The following COL9A2 variants were observed in gnomAD, a reference collection of about 807,000 sequenced individuals.
COL9A2 encodes the protein collagen type IX alpha 2 chain.
A neutral mutation model predicts 111.6 loss-of-function variants in COL9A2; 66 were observed. The observed-to-expected ratio is 0.59, with a 90% CI of 0.48 to 0.73. The LOEUF (loss-of-function observed/expected upper bound fraction) is 0.73. Ranked by LOEUF, COL9A2 falls within the 30% of genes least tolerant of loss-of-function variation. The pLI is 0.00. For missense variants in COL9A2, 881 were observed against 954.1 expected (o/e 0.92, Z 1.01); for synonymous variants, 353 against 364.1 (o/e 0.97, Z 0.35).
In COL9A2 at chr1:40,304,397, G is replaced by T. The variant is rs1557794346; in HGVS notation, c.1216-6C>A. The stretch of plus-strand genomic sequence containing the variant: ...CCCTGCTCCCCCTTAGGGCCCTGAG[G>T]AGAAAAGAAACCAAAGGAATAAATG... On this transcript the variant is annotated splice_region_variant and splice_polypyrimidine_tract_variant and intron_variant, in intron 23 of 31. Coordinates refer to ENST00000372748, the MANE Select transcript of COL9A2 (RefSeq NM_001852.4). 1.2e-6 allele frequency: 2 copies of T among 1,605,012 alleles called. No individual in the cohort carries two copies. Among genetic ancestry groups the T allele is most frequent in the Non-Finnish European group, 1.7e-6 (2 of 1,175,768 alleles).
chr1:40,303,495 AG>A lies in COL9A2; in HGVS notation c.1548+34del. On this transcript the variant is annotated intron_variant, in intron 28 of 31. Transcript: ENST00000372748. The surrounding 1 kb of genome is among the most constrained non-coding windows in gnomAD (Gnocchi z 4.6). ...GCCGCACCCCAGAACAGATCTACCT[AG>A]AAGAAGCACCTCCTACCCCGGGGCC... 6.2e-7 allele frequency: 1 copy of A among 1,612,306 alleles called. No individual in the cohort carries two copies. The highest frequency in any genetic ancestry group is 8.5e-7 in the Non-Finnish European group (1 of 1,179,694).
rs1477844968 is a variant in COL9A2, at chr1:40,317,217, G to A, written c.-20C>T. 4 of 1,559,174 alleles carry A rather than the reference G, an allele frequency of 2.6e-6. No homozygotes were observed. The highest frequency in any genetic ancestry group is 4.8e-5 in the East Asian group (2 of 41,364). The stretch of plus-strand genomic sequence containing the variant: ...GGCCATGGCTGGCGGCGAGACCAAG[G>A]GGGACGGGTGCGTGTCCGCGCACGC... On this transcript the variant is annotated 5_prime_UTR_variant, in exon 1 of 32. Coordinates refer to ENST00000372748, the MANE Select transcript of COL9A2 (RefSeq NM_001852.4). This position sits in a 1 kb window ranked among gnomAD's most constrained non-coding sequence, Gnocchi z 4.3.
chr1:40,314,205 A>G lies in COL9A2; in HGVS notation c.249T>C (p.Asp83=). 1 of 1,614,178 alleles carries G rather than the reference A, an allele frequency of 6.2e-7. No individual in the cohort carries two copies. Among genetic ancestry groups the G allele is most frequent in the Non-Finnish European group, 8.5e-7 (1 of 1,180,026 alleles). The stretch of plus-strand genomic sequence containing the variant: ...CCCCACCCGACACTCAGCTACTCAC[A>G]TCAATCCCGGGCTTCCCGTCTGGCC... ...PDGPDGKPGI[D]GLTGAKGEPG... is the part of the protein sequence containing the mutation. Residue 83 remains aspartate (D), a splice_region_variant and synonymous_variant, in exon 4 of 32, where the codon GAT becomes GAC. Coordinates refer to ENST00000372748, the MANE Select transcript of COL9A2 (RefSeq NM_001852.4). The surrounding 1 kb of genome is among the most constrained non-coding windows in gnomAD (Gnocchi z 4.1).
rs751212530 is a variant in COL9A2 at position 40,312,069 on chromosome 1, C to T, written c.407G>A (p.Arg136Gln). Residue 136 changes from arginine (R) to glutamine (Q), a missense_variant, in exon 8 of 32, where the codon CGA becomes CAA. Physicochemically the swap from Arg to Gln is conservative, Grantham distance 43 (BLOSUM62 1). Coordinates refer to ENST00000372748, the MANE Select transcript of COL9A2 (RefSeq NM_001852.4). The surrounding 1 kb of genome is among the most constrained non-coding windows in gnomAD (Gnocchi z 6.0). The part of the protein sequence containing the change: ...PVGLPGEIGI[R>Q]GPKGDPGPDG... ...GTGGCTGAGGCTCACCTTGGGGCCT[C>T]GGATTCCAATCTCACCAGGGAGGCC... 28 of 1,600,918 alleles carry T rather than the reference C, an allele frequency of 1.7e-5. No homozygotes were observed. The highest frequency in any genetic ancestry group is 2.2e-5 in the Non-Finnish European group (26 of 1,175,484).
chr1:40,313,801 T>A (rs1644169625), intron 4 of COL9A2, among the ~76,000 whole-genome samples: 1 of 152,154 alleles, frequency 6.6e-6, no homozygotes, highest in Non-Finnish European at 1.5e-5. Flanking sequence ...AGCTAAATGA[T>A]GTTTCTCTCC....
chr1:40,303,260 T>G lies in COL9A2; in HGVS notation c.1549-75A>C, dbSNP rs1423701168. 8 of 1,447,276 alleles carry G rather than the reference T, an allele frequency of 5.5e-6. No homozygotes were observed. Among genetic ancestry groups the G allele is most frequent in the Non-Finnish European group, 7.6e-6 (8 of 1,046,750 alleles). 89.7% of individuals were successfully genotyped at this position (1,447,276 alleles called of 1,614,324 possible). The stretch of plus-strand genomic sequence containing the variant: ...CGCTCCTATCCCACCTGGCTGAGCG[T>G]GAGGCCGCCATGGAGGAGACTCTGG... On this transcript the variant is annotated intron_variant, in intron 28 of 31. Coordinates refer to ENST00000372748, the MANE Select transcript of COL9A2 (RefSeq NM_001852.4). The surrounding 1 kb of genome is among the most constrained non-coding windows in gnomAD (Gnocchi z 4.6).
rs1644188515 is a variant in COL9A2, at chr1:40,314,737, G to A, written c.151-350C>T. 6.6e-6 allele frequency among the ~76,000 whole-genome samples: 1 copy of A among 152,198 alleles called. No individual in the cohort carries two copies. Among genetic ancestry groups the A allele is most frequent in the Non-Finnish European group, 1.5e-5 (1 of 68,038 alleles). On this transcript the variant is annotated intron_variant, in intron 2 of 31. Coordinates refer to ENST00000372748, the MANE Select transcript of COL9A2 (RefSeq NM_001852.4). The surrounding 1 kb of genome is among the most constrained non-coding windows in gnomAD (Gnocchi z 4.1). ...TGGATTTGGGCACGTGTGGGAGGAA[G>A]GTTGGGGCTTTTAGAGAAACGTGAA...
In COL9A2 at chr1:40,309,989, AC is replaced by A. The variant is rs1644094173; in HGVS notation, c.794del (p.Gly265ValfsTer53). 1 of 1,613,878 alleles carries A rather than the reference AC, an allele frequency of 6.2e-7. No homozygotes were observed. The highest frequency in any genetic ancestry group is 8.5e-7 in the Non-Finnish European group (1 of 1,179,964). On this transcript the variant is annotated frameshift_variant and splice_region_variant, in exon 16 of 32. Coordinates refer to ENST00000372748, the MANE Select transcript of COL9A2 (RefSeq NM_001852.4). LOFTEE classifies it high-confidence loss of function. Reference protein sequence around the residue: ...VGAIGATGPPGEEGPRGPPGR... With the variant: ...VGAIGATGPPXEEGPRGPPGR... ...CTGGCGGTCCCCTAGGACCTTCCTCACCCTGGCAAGAAAGACAAGCAGGAAT... is the reference window on the plus strand; with the variant it reads ...CTGGCGGTCCCCTAGGACCTTCCTCACCTGGCAAGAAAGACAAGCAGGAAT...
At position 40,307,351 on chromosome 1, in the gene COL9A2, G is replaced by T; in HGVS notation, c.1008+95C>A. 8.4e-7 allele frequency: 1 copy of T among 1,185,522 alleles called. No homozygotes were observed. The highest frequency in any genetic ancestry group is 1.2e-6 in the Non-Finnish European group (1 of 810,492). 73.4% of individuals were successfully genotyped at this position (1,185,522 alleles called of 1,614,324 possible). A position where few individuals can be genotyped will look rare whatever the true frequency, so the allele number is the denominator to read the frequency against. On this transcript the variant is annotated intron_variant, in intron 19 of 31. Transcript: ENST00000372748. This position sits in a 1 kb window ranked among gnomAD's most constrained non-coding sequence, Gnocchi z 4.8. ...CCACAGAGTTGGTAACAAGGCAAGA[G>T]GTGGTGATTGAGCAAGAGCCCCGGG...
intron 16 of COL9A2, 105 bp from the exon 17 acceptor site, chr1:40,308,350 C>T (rs770132753): frequency 1.4e-4 from 171 of 1,197,178 alleles, no homozygotes; most frequent in Non-Finnish European, 1.9e-4. Flanking sequence ...TCCCAGAGTT[C>T]CTCTGGCACA....
chr1:40,308,093 A>G, intron 17 of COL9A2, 99 bp downstream of exon 17: 1 of 1,210,710 alleles, frequency 8.3e-7, no homozygotes. Context: ...CACCAGTTGC[A>G]GAGTTCAGAC....
intron 19 of COL9A2, 109 bp from the exon 20 acceptor site, chr1:40,306,296 A>G: frequency 3.2e-6 from 4 of 1,245,354 alleles, no homozygotes; most frequent in Non-Finnish European, 4.7e-6. Context: ...GTGGGAGCTG[A>G]ACAACAGAAG....
intron 2 of COL9A2, chr1:40,315,134 G>T (rs1644195966): frequency 2.5e-6 from 2 of 815,176 alleles, no homozygotes; most frequent in Non-Finnish European, 3.0e-6. Flanking sequence ...CACCCTGCAG[G>T]GAACAAGCCC....
chr1:40,309,957 G>T lies in COL9A2; in HGVS notation c.827C>A (p.Ala276Asp), dbSNP rs998774967. Residue 276 changes from alanine to aspartate, a missense_variant, in exon 16 of 32, where the codon GCT becomes GAT. Transcript: ENST00000372748. ...ACTCACCTCGTCACCCTTCTCCCCA[G>T]CTCGGCCTGGCGGTCCCCTAGGACC... The part of the protein sequence containing the change: ...EEGPRGPPGR[A>D]GEKGDEGSPG... The T allele has an allele frequency of 3.1e-6, 5 of 1,613,874 alleles. No individual in the cohort carries two copies. Among genetic ancestry groups the T allele is most frequent in the Non-Finnish European group, 4.2e-6 (5 of 1,180,022 alleles).
intron 21 of COL9A2, 125 bp from the exon 22 acceptor site, chr1:40,304,972 A>G: frequency 1.4e-6 from 1 of 725,654 alleles, no homozygotes; most frequent in Admixed American, 2.7e-5. Flanking sequence ...TTCCCAGACC[A>G]CCTGTTCCAT....
chr1:40,317,021 G>T lies in COL9A2; in HGVS notation c.75+102C>A. The T allele has an allele frequency of 8.2e-7, 1 of 1,224,216 alleles. No homozygotes were observed. The highest frequency in any genetic ancestry group is 1.2e-6 in the Non-Finnish European group (1 of 849,536). The allele number at this position is 1,224,216 out of a possible 1,614,324, so 75.8% of individuals were successfully genotyped here. A position where few individuals can be genotyped will look rare whatever the true frequency, so the allele number is the denominator to read the frequency against. On this transcript the variant is annotated intron_variant, in intron 1 of 31. Transcript: ENST00000372748. This position sits in a 1 kb window ranked among gnomAD's most constrained non-coding sequence, Gnocchi z 4.3. The stretch of plus-strand genomic sequence containing the variant: ...GCGCTGTCCTCAGGTGGCCTCTCGG[G>T]CTAGGGGTGTCAGTAGGCGCGGGAC...
In COL9A2 at chr1:40,302,494, C is replaced by A. The variant is rs531737216; in HGVS notation, c.1792+127G>T. 2.8e-6 allele frequency: 3 copies of A among 1,059,256 alleles called. No homozygotes were observed. The African/African-American group carries it at 4.7e-5, about 17-fold the overall frequency. The allele number at this position is 1,059,256 out of a possible 1,614,324, so 65.6% of individuals were successfully genotyped here. Reference sequence around the variant, plus strand: ...ACTAGGAAAGAGCCCAGGAGTGTCTCCTGGACCATGTGGCTGAGGAACCGG... The same window carrying A: ...ACTAGGAAAGAGCCCAGGAGTGTCTACTGGACCATGTGGCTGAGGAACCGG... On this transcript the variant is annotated intron_variant, in intron 30 of 31. Transcript: ENST00000372748. The surrounding 1 kb of genome is among the most constrained non-coding windows in gnomAD (Gnocchi z 4.5).
intron 31 of COL9A2, 50 bp from the exon 32 acceptor site, chr1:40,301,431 C>T: frequency 3.3e-6 from 5 of 1,533,612 alleles, no homozygotes; most frequent in Non-Finnish European, 4.4e-6. Context: ...TGTCTCAGGC[C>T]CAGAATTTTG....
At chr1:40,305,252 A>AGAGACGGGGTTTCACC (rs1553183054) in intron 21 of COL9A2, among the ~76,000 whole-genome samples, 1 of 151,676 alleles carries the variant, frequency 6.6e-6, no homozygotes, top group Non-Finnish European at 1.5e-5. Context: ...TATTTTTAGT[A>AGAGACGGGGTTTCACC]GAGACGGGGT....
Sources: allele counts gnomAD v4.1 joint callset (sites outside exome capture counted in the v4.1 genomes callset), GRCh38; gene constraint gnomAD v4.1.1; non-coding constraint Gnocchi (gnomAD v3.1); transcripts MANE v1.5; gene names NCBI Gene and HGNC (gene_info 2026-07-23, HGNC 2026-07-21).